The following NOS1AP variants were observed in gnomAD, a reference collection of about 807,000 sequenced individuals.
NOS1AP encodes carboxyl-terminal PDZ ligand of neuronal nitric oxide synthase protein.
Under a neutral mutation model 56.2 loss-of-function variants are expected in NOS1AP, and 21 were observed. That is an observed-to-expected ratio of 0.37 (90% CI 0.26 to 0.54). The LOEUF is 0.54. Ranked by LOEUF, NOS1AP falls within the 20% of genes least tolerant of loss-of-function variation. The probability of loss-of-function intolerance (pLI) is 0.84; values close to 1 mark genes in which losing one functional copy is unlikely to be tolerated. For synonymous variants in NOS1AP, 270 were observed against 274.6 expected (o/e 0.98, Z 0.17); for missense variants, 522 against 657.8 (o/e 0.79, Z 2.26).
chr1:162,184,373 C>T (rs6662801), intron 2 of NOS1AP, among the ~76,000 whole-genome samples: 6,813 of 152,228 alleles, frequency 0.045, 324 homozygotes, highest in African/African-American at 0.12. Flanking sequence ...CAAAATGTGA[C>T]AGATATGAGG....
chr1:162,355,222 G>T lies in NOS1AP; in HGVS notation c.631G>T (p.Ala211Ser). The change falls in exon 7 of 10, where the codon GCC (alanine) becomes TCC (serine). Residue 211 changes from alanine (A) to serine (S), a missense_variant. Physicochemically the swap from Ala to Ser is moderately conservative, Grantham distance 99. Coordinates refer to ENST00000361897, the MANE Select transcript of NOS1AP (RefSeq NM_014697.3). ...CACTGGAGCCGAGAGGGCCTCCACG[G>T]CCACTGCAGAGGAGACTGACATCGA... ...QLTGAERAST[A>S]TAEETDIDAV... 3.1e-6 allele frequency: 5 copies of T among 1,614,140 alleles called. No homozygotes were observed. Among genetic ancestry groups the T allele is most frequent in the Non-Finnish European group, 4.2e-6 (5 of 1,180,030 alleles).
rs549122494 is a variant in NOS1AP at position 162,125,466 on chromosome 1, T to G, written c.106-28939T>G. ...ATTTTTATATATGGTGAGAGATAGA[T>G]ATCTAGTTTCATTCTTCTCTACTTG... On this transcript the variant is annotated intron_variant, in intron 1 of 9. Transcript: ENST00000361897. Among the ~76,000 whole-genome samples, 115 of 152,292 alleles carry G rather than the reference T, an allele frequency of 7.6e-4. 4 individuals are homozygous for G. The South Asian group carries it at 0.023, about 30-fold the overall frequency.
intron 3 of NOS1AP, among the ~76,000 whole-genome samples, chr1:162,296,122 A>G (rs1029963115): frequency 1.3e-5 from 2 of 152,154 alleles, no homozygotes; most frequent in Non-Finnish European, 2.9e-5. Flanking sequence ...CCCCATCTCT[A>G]CTAAAAATAC....
At chr1:162,267,630 G>A (rs1341639656) in intron 2 of NOS1AP, among the ~76,000 whole-genome samples, 1 of 151,260 alleles carries the variant, frequency 6.6e-6, no homozygotes, top group Non-Finnish European at 1.5e-5. Flanking sequence ...TTTTAAATTA[G>A]CCAGGCACCT....
At chr1:162,181,114 G>A (rs1571105920) in intron 2 of NOS1AP, among the ~76,000 whole-genome samples, 1 of 152,306 alleles carries the variant, frequency 6.6e-6, no homozygotes, top group East Asian at 1.9e-4. Context: ...GTCAATAAAA[G>A]GATTGCTGGA....
intron 1 of NOS1AP, among the ~76,000 whole-genome samples, chr1:162,076,996 C>T (rs1209229623): frequency 6.6e-6 from 1 of 152,146 alleles, no homozygotes; most frequent in Non-Finnish European, 1.5e-5. Flanking sequence ...TCAGCTGAGG[C>T]ACATTTAGGT....
chr1:162,268,151 C>G (rs1040369608), intron 2 of NOS1AP, among the ~76,000 whole-genome samples: 1 of 151,304 alleles, frequency 6.6e-6, no homozygotes, highest in African/African-American at 2.4e-5. Context: ...CCCAGCTATT[C>G]GGGAGAGTGA....
intron 6 of NOS1AP, among the ~76,000 whole-genome samples, chr1:162,353,816 C>G (rs1469522775): frequency 6.6e-6 from 1 of 152,230 alleles, no homozygotes; most frequent in African/African-American, 2.4e-5. Flanking sequence ...CTCCATCTCT[C>G]AGGCTAAGCA....
At chr1:162,346,591 A>G (rs1461462059) in intron 6 of NOS1AP, among the ~76,000 whole-genome samples, 2 of 152,240 alleles carry the variant, frequency 1.3e-5, no homozygotes, top group Non-Finnish European at 2.9e-5. Context: ...CCAGAATAGT[A>G]CACAAGAAAC....
At chr1:162,096,160 A>G (rs1281858922) in intron 1 of NOS1AP, among the ~76,000 whole-genome samples, 1 of 152,220 alleles carries the variant, frequency 6.6e-6, no homozygotes. Context: ...TCTCCTAAGT[A>G]TAGGCTCTGC....
intron 5 of NOS1AP, chr1:162,342,743 G>A (rs1657150175): frequency 2.6e-6 from 1 of 378,086 alleles, no homozygotes; most frequent in South Asian, 2.0e-5. Flanking sequence ...CATTACCTGG[G>A]GTGGGTGGGA....
At chr1:162,240,564 G>C (rs1380315796) in intron 2 of NOS1AP, among the ~76,000 whole-genome samples, 1 of 152,168 alleles carries the variant, frequency 6.6e-6, no homozygotes, top group Non-Finnish European at 1.5e-5. Flanking sequence ...GAATCACACT[G>C]TCTATATGAA....
chr1:162,195,460 G>A (rs74125974), intron 2 of NOS1AP, among the ~76,000 whole-genome samples: 2,063 of 152,206 alleles, frequency 0.014, 33 homozygotes, highest in African/African-American at 0.047. Context: ...CACCTGGCAT[G>A]GTACCTGGCA....
intron 2 of NOS1AP, among the ~76,000 whole-genome samples, chr1:162,220,677 C>A (rs1008967486): frequency 6.6e-6 from 1 of 152,054 alleles, no homozygotes; most frequent in African/African-American, 2.4e-5. Context: ...CTTTCCATTC[C>A]GGCTTTAAAT....
chr1:162,180,675 G>C (rs1406938386), intron 2 of NOS1AP, among the ~76,000 whole-genome samples: 1 of 152,208 alleles, frequency 6.6e-6, no homozygotes, highest in African/African-American at 2.4e-5. Context: ...CAGCCAGCAA[G>C]AAAGTGGAGC....
intron 6 of NOS1AP, among the ~76,000 whole-genome samples, chr1:162,350,354 T>C (rs1279621669): frequency 2.6e-5 from 4 of 152,256 alleles, no homozygotes; most frequent in Non-Finnish European, 5.9e-5. Context: ...TCTTTGTGCC[T>C]GTCTTTCTTT....
intron 4 of NOS1AP, among the ~76,000 whole-genome samples, chr1:162,309,868 A>G (rs148407390): frequency 5.4e-4 from 82 of 152,348 alleles, no homozygotes; most frequent in African/African-American, 1.9e-3. Flanking sequence ...GTGTAATTTT[A>G]AGCATTATTA....
At chr1:162,258,802 C>A (rs1024748332) in intron 2 of NOS1AP, among the ~76,000 whole-genome samples, 1 of 152,150 alleles carries the variant, frequency 6.6e-6, no homozygotes. Flanking sequence ...GTACATGGGT[C>A]TTTCTAGGAT....
At chr1:162,210,363 C>T (rs1652310876) in intron 2 of NOS1AP, among the ~76,000 whole-genome samples, 1 of 152,166 alleles carries the variant, frequency 6.6e-6, no homozygotes, top group Non-Finnish European at 1.5e-5. Context: ...CCCTGACTCA[C>T]TCGACAGCAA....
Sources: allele counts gnomAD v4.1 joint callset (sites outside exome capture counted in the v4.1 genomes callset), GRCh38; gene constraint gnomAD v4.1.1; transcripts MANE v1.5; gene names NCBI Gene and HGNC (gene_info 2026-07-23, HGNC 2026-07-21).